Variants in MYO1E observed in about 807,000 individuals in gnomAD.
MYO1E encodes the protein myosin IE.
Under a neutral mutation model 151.1 loss-of-function variants are expected in MYO1E, and 68 were observed. The ratio of observed to expected loss-of-function variants is 0.45; its 90% CI spans 0.37 to 0.55. The LOEUF (loss-of-function observed/expected upper bound fraction) is 0.55, where lower values mean the gene tolerates loss of function less well. MYO1E is among the 20% of genes least tolerant of loss of function. MYO1E has a pLI of 0.00. For synonymous variants in MYO1E, 601 were observed against 501.7 expected, an observed-to-expected ratio of 1.20 and a Z score of -2.64; for missense variants, 1,363 against 1,389.3, an observed-to-expected ratio of 0.98 and a Z score of 0.30.
intron 4 of MYO1E, among the ~76,000 whole-genome samples, chr15:59,247,234 A>C (rs1158403201): frequency 6.6e-6 from 1 of 152,208 alleles, no homozygotes; most frequent in Non-Finnish European, 1.5e-5. Context: ...TTGTGGGGAC[A>C]GAGTGAGAGA....
intron 14 of MYO1E, chr15:59,207,861 T>C (rs1290725476): frequency 6.2e-7 from 1 of 1,614,098 alleles, no homozygotes; most frequent in Non-Finnish European, 8.5e-7. Context: ...CTGTGGCCGA[T>C]TTAACAGAAA....
chr15:59,144,268 G>C (rs2079427971), intron 26 of MYO1E, among the ~76,000 whole-genome samples: 1 of 152,104 alleles, frequency 6.6e-6, no homozygotes. Context: ...CCAGGTTCAA[G>C]CAATTCTCGT....
chr15:59,163,144 G>C lies in MYO1E; in HGVS notation c.2627+13C>G. 1 of 1,613,882 alleles carries C rather than the reference G, an allele frequency of 6.2e-7. No individual in the cohort carries two copies. The highest frequency in any genetic ancestry group is 8.5e-7 in the Non-Finnish European group (1 of 1,179,872). On this transcript the variant is annotated intron_variant, in intron 23 of 27. Coordinates refer to ENST00000288235, the MANE Select transcript of MYO1E (RefSeq NM_004998.4). ...GCTACACGCAGAAGTCTGGGTCCCA[G>C]ATCCGGACTTACGTATTGCTGAATT...
chr15:59,222,292 T>C (rs2079960863), intron 9 of MYO1E, among the ~76,000 whole-genome samples: 1 of 152,206 alleles, frequency 6.6e-6, no homozygotes, highest in African/African-American at 2.4e-5. Context: ...AGGAAGAATG[T>C]CTTCCTGGGT....
rs557094210 is a variant in MYO1E, at chr15:59,273,879, C to T, written c.4-1430G>A. On this transcript the variant is annotated intron_variant, in intron 1 of 27. Coordinates refer to ENST00000288235, the MANE Select transcript of MYO1E (RefSeq NM_004998.4). The stretch of plus-strand genomic sequence containing the variant: ...CCCTGCCCCCTCCCTGCTCACTGCT[C>T]GGGGGACTTCGAATGAAGAAGAGAA... Among the ~76,000 whole-genome samples the T allele has an allele frequency of 3.1e-3, 477 of 151,966 alleles. 8 individuals carry two copies. The highest frequency in any genetic ancestry group is 1.5e-3 in the East Asian group (8 of 5,166).
At chr15:59,356,925 G>C (rs1430480997) in intron 1 of MYO1E, among the ~76,000 whole-genome samples, 6 of 138,906 alleles carry the variant, frequency 4.3e-5, no homozygotes, top group Non-Finnish European at 7.7e-5. Flanking sequence ...TTTTTTTTGA[G>C]ATGGAGTTTC....
At position 59,216,990 on chromosome 15, in the gene MYO1E, G is replaced by C. The variant is rs2079922796; in HGVS notation, c.1107+901C>G. 2.0e-5 allele frequency among the ~76,000 whole-genome samples: 3 copies of C among 152,020 alleles called. No homozygotes were observed. In the South Asian group the frequency reaches 6.2e-4, roughly 32 times the overall value. ...ACCATTATGTTATGAGGATATTCAA[G>C]GAGAGGTCCATGCAGCAAGGGGCTG... On this transcript the variant is annotated intron_variant, in intron 10 of 27. Transcript: ENST00000288235.
intron 10 of MYO1E, among the ~76,000 whole-genome samples, chr15:59,216,034 A>G (rs79169159): frequency 0.014 from 2,183 of 152,260 alleles, 33 homozygotes; most frequent in South Asian, 0.044. Flanking sequence ...AATAGCCACT[A>G]AAGTACCTAG....
chr15:59,139,724 T>C (rs1467018529), intron 26 of MYO1E, among the ~76,000 whole-genome samples: 1 of 145,862 alleles, frequency 6.9e-6, no homozygotes, highest in African/African-American at 2.6e-5. Context: ...ACTTCCCTCC[T>C]ACCTCCTCAT....
At chr15:59,172,567 T>G (rs1471837065) in intron 21 of MYO1E, among the ~76,000 whole-genome samples, 1 of 152,208 alleles carries the variant, frequency 6.6e-6, no homozygotes, top group Non-Finnish European at 1.5e-5. Context: ...GACATTTGAC[T>G]CTTTTTGACT....
chr15:59,203,649 C>T (rs1214536995), intron 15 of MYO1E, among the ~76,000 whole-genome samples: 2 of 152,220 alleles, frequency 1.3e-5, no homozygotes, highest in East Asian at 3.8e-4. Context: ...GCTGTGATTA[C>T]AGGCATGAGC....
chr15:59,136,730 C>T lies in MYO1E; in HGVS notation c.*650G>A, dbSNP rs2079375329. ...GCCAGCCACATTCTAATTGAAGACC[C>T]AGAGAAAGCAAAGCCAGCAGCCCAG... On this transcript the variant is annotated 3_prime_UTR_variant, in exon 28 of 28. Transcript: ENST00000288235. 3 of 456,354 alleles carry T rather than the reference C, an allele frequency of 6.6e-6. No individual in the cohort carries two copies. The highest frequency in any genetic ancestry group is 1.5e-5 in the South Asian group (1 of 64,556). 28.3% of individuals were successfully genotyped at this position (456,354 alleles called of 1,614,324 possible).
chr15:59,334,447 A>G (rs1335279988), intron 1 of MYO1E, among the ~76,000 whole-genome samples: 1 of 150,388 alleles, frequency 6.6e-6, no homozygotes, highest in East Asian at 2.0e-4. Flanking sequence ...AAATATATAC[A>G]CCTACTTTGT....
chr15:59,214,420 A>C, intron 11 of MYO1E, 106 bp from the exon 12 acceptor site: 1 of 924,278 alleles, frequency 1.1e-6, no homozygotes, highest in Non-Finnish European at 1.7e-6. Flanking sequence ...TTTAATAGAA[A>C]TGTTGGATGC....
rs1437272286 is a variant in MYO1E at position 59,132,808 on chromosome 15, G to A, written c.*4572C>T. The A allele has an allele frequency of 1.3e-5, 2 of 152,194 alleles. No homozygotes were observed. Among genetic ancestry groups the A allele is most frequent in the African/African-American group, 4.8e-5 (2 of 41,440 alleles). The allele number at this position is 152,194 out of a possible 1,614,324, so 9.4% of individuals were successfully genotyped here. Reference sequence around the variant, plus strand: ...TGCCAAGCACTTAGTATAGCTTCTAGTGTGAAGAAGATACTTGAACATAGC... The same window carrying A: ...TGCCAAGCACTTAGTATAGCTTCTAATGTGAAGAAGATACTTGAACATAGC... On this transcript the variant is annotated 3_prime_UTR_variant, in exon 28 of 28. Coordinates refer to ENST00000288235, the MANE Select transcript of MYO1E (RefSeq NM_004998.4).
intron 10 of MYO1E, among the ~76,000 whole-genome samples, chr15:59,216,473 T>G (rs1430303924): frequency 6.6e-6 from 1 of 151,480 alleles, no homozygotes; most frequent in Non-Finnish European, 1.5e-5. Flanking sequence ...GAGGCTACAG[T>G]GATTAACAGA....
intron 1 of MYO1E, among the ~76,000 whole-genome samples, chr15:59,300,490 C>G (rs1341700497): frequency 6.6e-6 from 1 of 152,214 alleles, no homozygotes; most frequent in African/African-American, 2.4e-5. Context: ...ACCCTCCCCA[C>G]CCACTGCTAT....
chr15:59,328,521 T>C (rs2080680096), intron 1 of MYO1E, among the ~76,000 whole-genome samples: 1 of 145,172 alleles, frequency 6.9e-6, no homozygotes, highest in Admixed American at 6.7e-5. Context: ...TGGTATCTCT[T>C]CATTTCATGA....
intron 16 of MYO1E, among the ~76,000 whole-genome samples, chr15:59,199,282 A>G (rs2079786538): frequency 6.6e-6 from 1 of 152,020 alleles, no homozygotes; most frequent in South Asian, 2.1e-4. Flanking sequence ...TTTTTAGTAG[A>G]GATGGGGTTT....
Sources: gnomAD v4.1 joint callset for allele counts (sites outside exome capture counted in the v4.1 genomes callset) on GRCh38, gnomAD v4.1.1 for gene constraint, MANE v1.5 for transcripts, NCBI Gene and HGNC (gene_info 2026-07-23, HGNC 2026-07-21) for gene names.